Variants in WNK2 observed in about 807,000 individuals in gnomAD.
WNK2 encodes the protein WNK lysine deficient protein kinase 2, also known as serine/threonine-protein kinase WNK2.
In WNK2, 67 loss-of-function variants were observed where a neutral mutation model predicts 192.1. The ratio of observed to expected loss-of-function variants is 0.35; its 90% CI spans 0.29 to 0.43. WNK2 has a LOEUF of 0.43. Among genes scored for constraint, WNK2 ranks in the 20% least tolerant of loss-of-function variants. The probability of loss-of-function intolerance (pLI) is 1.00; values close to 1 mark genes in which losing one functional copy is unlikely to be tolerated. For missense variants in WNK2, 2,698 were observed against 3,089.7 expected (o/e 0.87, Z 3.01); for synonymous variants, 1,439 against 1,393.9 (o/e 1.03, Z -0.72).
intron 21 of WNK2, among the ~76,000 whole-genome samples, chr9:93,291,042 A>G (rs960162287): frequency 1.3e-5 from 2 of 152,188 alleles, no homozygotes; most frequent in African/African-American, 2.4e-5. Context: ...ATTTATTTCT[A>G]GACGCCAGAC....
chr9:93,206,038 G>A (rs1833315905), intron 2 of WNK2, among the ~76,000 whole-genome samples: 1 of 152,134 alleles, frequency 6.6e-6, no homozygotes, highest in African/African-American at 2.4e-5. Context: ...GGAGCCTCGG[G>A]GCACAATTTT....
chr9:93,263,465 C>A, intron 14 of WNK2, 101 bp from the exon 15 acceptor site: 1 of 1,452,184 alleles, frequency 6.9e-7, no homozygotes, highest in Non-Finnish European at 9.4e-7. Flanking sequence ...CAGATTTGGG[C>A]CCTGGAGACT....
At chr9:93,282,325 A>T (rs981329758) in intron 19 of WNK2, among the ~76,000 whole-genome samples, 1 of 152,122 alleles carries the variant, frequency 6.6e-6, no homozygotes, top group Non-Finnish European at 1.5e-5. Context: ...GGAATTTTTT[A>T]AAATATGGCA....
rs752649375 is a variant in WNK2 at position 93,247,572 on chromosome 9, C to T, written c.1572C>T (p.Asp524=). The T allele has an allele frequency of 1.1e-5, 18 of 1,609,912 alleles. No individual in the cohort carries two copies. Among genetic ancestry groups the T allele is most frequent in the East Asian group, 4.5e-5 (2 of 44,800 alleles). The change falls in exon 8 of 30, where the codon GAC becomes GAT. Residue 524 remains aspartate (D), a synonymous_variant. Transcript: ENST00000427277. The surrounding 1 kb of genome is among the most constrained non-coding windows in gnomAD (Gnocchi z 5.2). ...MIESGFFHES[D]VKIVAKSIRD... ...AGTCTGGATTCTTCCACGAGAGTGA[C>T]GTCAAGATCGTGGCCAAGTCCATCC...
chr9:93,308,881 C>T (rs1357438618), intron 28 of WNK2: 4 of 1,290,764 alleles, frequency 3.1e-6, no homozygotes, highest in Non-Finnish European at 3.9e-6. Flanking sequence ...CAGCCCAAGC[C>T]CCGCACTCAG....
chr9:93,221,535 C>T (rs1348726259), intron 2 of WNK2, among the ~76,000 whole-genome samples: 1 of 152,212 alleles, frequency 6.6e-6, no homozygotes, highest in African/African-American at 2.4e-5. Context: ...TTTACAGTCA[C>T]CCATGGACAC....
intron 12 of WNK2, among the ~76,000 whole-genome samples, chr9:93,260,946 G>A (rs1844129284): frequency 6.6e-6 from 1 of 152,188 alleles, no homozygotes; most frequent in African/African-American, 2.4e-5. Flanking sequence ...ACAGAGGGGT[G>A]CCTTGTGACA....
At chr9:93,195,377 T>TA (rs1300997362) in intron 2 of WNK2, among the ~76,000 whole-genome samples, 1 of 152,148 alleles carries the variant, frequency 6.6e-6, no homozygotes, top group Non-Finnish European at 1.5e-5. Context: ...TGATTAATTT[T>TA]AAAAATGCAA....
chr9:93,306,580 C>G, intron 26 of WNK2, 197 bp from the exon 27 acceptor site: 2 of 637,978 alleles, frequency 3.1e-6, no homozygotes, highest in Non-Finnish European at 5.6e-6. Flanking sequence ...GCCCCCTCGG[C>G]GAAGCTCGTG....
intron 21 of WNK2, among the ~76,000 whole-genome samples, chr9:93,290,946 C>T (rs559221737): frequency 7.9e-5 from 12 of 152,332 alleles, no homozygotes; most frequent in African/African-American, 2.9e-4. Context: ...GGGATGGGCA[C>T]ACTATGAATC....
intron 2 of WNK2, among the ~76,000 whole-genome samples, chr9:93,186,856 G>A (rs1296099550): frequency 2.6e-5 from 4 of 152,170 alleles, no homozygotes; most frequent in Non-Finnish European, 5.9e-5. Context: ...AGGGGTCAGT[G>A]GCATTGTGTG....
chr9:93,205,545 A>G (rs1456110908), intron 2 of WNK2, among the ~76,000 whole-genome samples: 4 of 151,558 alleles, frequency 2.6e-5, no homozygotes, highest in South Asian at 4.2e-4. Flanking sequence ...CCTGGCCCCC[A>G]CTCTGTCCTT....
chr9:93,202,325 C>CATGTGTGT (rs1554679105), intron 2 of WNK2, among the ~76,000 whole-genome samples: 1 of 130,564 alleles, frequency 7.7e-6, no homozygotes, highest in African/African-American at 2.7e-5. Flanking sequence ...TCCGTGTGCA[C>CATGTGTGT]GTGTGTGTGT....
intron 19 of WNK2, among the ~76,000 whole-genome samples, chr9:93,286,359 A>G (rs1249759000): frequency 6.6e-6 from 1 of 152,210 alleles, no homozygotes; most frequent in Admixed American, 6.5e-5. Flanking sequence ...AGAGACTTGA[A>G]CAGGTGTGTC....
rs1840133917 is a variant in WNK2 at position 93,238,150 on chromosome 9, G to T, written c.1234-83G>T. ...AGTGCCCGTGTCCTGCCGTGGCTGG[G>T]AGTGGGAGTTCCTCCCACTGTGGTG... On this transcript the variant is annotated intron_variant, in intron 5 of 29. Coordinates refer to ENST00000427277, the MANE Select transcript of WNK2 (RefSeq NM_006648.4). 3 of 1,209,394 alleles carry T rather than the reference G, an allele frequency of 2.5e-6. No individual in the cohort carries two copies. In the African/African-American group the frequency reaches 4.5e-5, roughly 18 times the overall value. The allele number at this position is 1,209,394 out of a possible 1,614,324, so 74.9% of individuals were successfully genotyped here.
In WNK2 at chr9:93,259,970, C is replaced by T. The variant is rs1843955695; in HGVS notation, c.3066+356C>T. 6.6e-6 allele frequency among the ~76,000 whole-genome samples: 1 copy of T among 152,180 alleles called. No homozygotes were observed. Among genetic ancestry groups the T allele is most frequent in the African/African-American group, 2.4e-5 (1 of 41,442 alleles). ...TTGCGTTGGGGCACAGGTTGTCTGT[C>T]TGAGGTCCACCCTTCAAAGAGCATC... On this transcript the variant is annotated intron_variant, in intron 12 of 29. Coordinates refer to ENST00000427277, the MANE Select transcript of WNK2 (RefSeq NM_006648.4). The surrounding 1 kb of genome is among the most constrained non-coding windows in gnomAD (Gnocchi z 4.8).
At chr9:93,317,212 T>G (rs1588671809) in intron 28 of WNK2, 2 of 494,034 alleles carry the variant, frequency 4.0e-6, no homozygotes, top group Non-Finnish European at 7.4e-6. Context: ...GCATGTGGGG[T>G]CACTCATGCG....
intron 2 of WNK2, among the ~76,000 whole-genome samples, chr9:93,201,413 C>T (rs563415230): frequency 4.6e-5 from 7 of 152,328 alleles, no homozygotes; most frequent in South Asian, 4.1e-4. Context: ...GGGGTGCTCA[C>T]GCTGCATGCT....
At chr9:93,211,094 TCACTCACTCATC>T (rs1834427078) in intron 2 of WNK2, among the ~76,000 whole-genome samples, 1 of 152,002 alleles carries the variant, frequency 6.6e-6, no homozygotes, top group African/African-American at 2.4e-5. Flanking sequence ...ATTTACTCAT[TCACTCACTCATC>T]CACTCACTCA....
Sources: allele counts gnomAD v4.1 joint callset (sites outside exome capture counted in the v4.1 genomes callset), GRCh38; gene constraint gnomAD v4.1.1; non-coding constraint Gnocchi (gnomAD v3.1); transcripts MANE v1.5; gene names NCBI Gene and HGNC (gene_info 2026-07-23, HGNC 2026-07-21).